Variants in TBC1D22A observed in about 807,000 individuals in gnomAD.
TBC1D22A encodes TBC1 domain family member 22A.
TBC1D22A carries 38 observed loss-of-function variants against 60.2 expected under a neutral mutation model. The ratio of observed to expected loss-of-function variants is 0.63; its 90% confidence interval spans 0.49 to 0.83. The LOEUF (loss-of-function observed/expected upper bound fraction) is 0.83. TBC1D22A is among the 40% of genes least tolerant of loss of function. TBC1D22A has a pLI of 0.00. For synonymous variants in TBC1D22A, 302 were observed against 281.7 expected (o/e 1.07, Z -0.72); for missense variants, 628 against 701.0 (o/e 0.90, Z 1.18).
At chr22:46,978,792 A>G (rs1224766166) in intron 9 of TBC1D22A, among the ~76,000 whole-genome samples, 3 of 151,876 alleles carry the variant, frequency 2.0e-5, no homozygotes, top group African/African-American at 7.3e-5. Context: ...TATTTTTGTT[A>G]GAGACAGGGT....
In TBC1D22A at chr22:46,899,952, C is replaced by T. The variant is rs577012271; in HGVS notation, c.900+5106C>T. On this transcript the variant is annotated intron_variant, in intron 7 of 12. Coordinates refer to ENST00000337137, the MANE Select transcript of TBC1D22A (RefSeq NM_014346.5). ...AGAAGGATTTCTGCCGTAAGCATCC[C>T]TCCAACCCCCTGCATCTATCGAAAC... Among the ~76,000 whole-genome samples the T allele has an allele frequency of 3.4e-4, 52 of 152,212 alleles. No homozygotes were observed. In the South Asian group the frequency reaches 9.8e-3, roughly 29 times the overall value.
intron 12 of TBC1D22A, among the ~76,000 whole-genome samples, chr22:47,146,445 C>G (rs546453706): frequency 3.9e-5 from 6 of 152,290 alleles, no homozygotes; most frequent in African/African-American, 1.2e-4. Flanking sequence ...GCTTTATTCC[C>G]GAAGAGAGAA....
At chr22:47,031,346 C>T (rs1001404967) in intron 10 of TBC1D22A, among the ~76,000 whole-genome samples, 38 of 152,214 alleles carry the variant, frequency 2.5e-4, no homozygotes, top group African/African-American at 8.9e-4. Flanking sequence ...AGAAACAGGC[C>T]TTGTCTTCCT....
At chr22:47,151,633 T>A (rs1749489623) in intron 12 of TBC1D22A, among the ~76,000 whole-genome samples, 1 of 152,214 alleles carries the variant, frequency 6.6e-6, no homozygotes, top group Non-Finnish European at 1.5e-5. Context: ...TGCTGGCTGC[T>A]GAGCCAGGGC....
chr22:47,035,248 C>T (rs980340261), intron 10 of TBC1D22A, among the ~76,000 whole-genome samples: 3 of 152,212 alleles, frequency 2.0e-5, no homozygotes, highest in Non-Finnish European at 4.4e-5. Context: ...CTGCTTGTAC[C>T]TGCTCTCTCT....
intron 11 of TBC1D22A, among the ~76,000 whole-genome samples, chr22:47,099,297 G>T (rs1194790519): frequency 6.6e-6 from 1 of 152,134 alleles, no homozygotes; most frequent in Admixed American, 6.5e-5. Context: ...GAGCTTGGAG[G>T]GTTTTCAGGA....
At chr22:46,870,257 T>G (rs1033307561) in intron 4 of TBC1D22A, among the ~76,000 whole-genome samples, 2 of 152,248 alleles carry the variant, frequency 1.3e-5, no homozygotes, top group Non-Finnish European at 2.9e-5. Flanking sequence ...AACCAGTGTT[T>G]GTTCCTCTAC....
chr22:46,932,984 A>G (rs573358272), intron 8 of TBC1D22A, among the ~76,000 whole-genome samples: 1 of 152,026 alleles, frequency 6.6e-6, no homozygotes, highest in South Asian at 2.1e-4. Flanking sequence ...TGGCCTCCCA[A>G]AGTGCTGGGA....
intron 12 of TBC1D22A, among the ~76,000 whole-genome samples, chr22:47,119,467 G>A (rs1450601526): frequency 1.3e-5 from 2 of 151,504 alleles, no homozygotes; most frequent in South Asian, 2.1e-4. Flanking sequence ...GTCCATTCCT[G>A]CTGTTATAAC....
chr22:47,076,361 G>GTGTATATATATATATATATATA (rs1392245000), intron 11 of TBC1D22A, among the ~76,000 whole-genome samples: 3 of 101,902 alleles, frequency 2.9e-5, no homozygotes, highest in Non-Finnish European at 5.8e-5. Context: ...ATATGTGTGT[G>GTGTATATATATATATATATATA]TATATATATA....
intron 7 of TBC1D22A, among the ~76,000 whole-genome samples, chr22:46,898,137 C>CTTAT (rs1019695588): frequency 1.3e-5 from 2 of 152,030 alleles, no homozygotes; most frequent in African/African-American, 2.4e-5. Flanking sequence ...TTGGTTTATT[C>CTTAT]TTATTTATTT....
chr22:47,091,981 G>A (rs550007848), intron 11 of TBC1D22A, among the ~76,000 whole-genome samples: 2 of 152,290 alleles, frequency 1.3e-5, no homozygotes, highest in East Asian at 1.9e-4. Context: ...GCGTGTACTC[G>A]TGTACTGGAC....
intron 9 of TBC1D22A, among the ~76,000 whole-genome samples, chr22:46,975,768 A>C (rs1297797101): frequency 6.6e-6 from 1 of 152,200 alleles, no homozygotes; most frequent in Non-Finnish European, 1.5e-5. Context: ...GTTTAATTTG[A>C]ATATATTAGC....
chr22:46,940,915 A>G (rs544899592), intron 8 of TBC1D22A, among the ~76,000 whole-genome samples: 8 of 147,142 alleles, frequency 5.4e-5, no homozygotes, highest in African/African-American at 1.8e-4. Context: ...GCACACATGT[A>G]TATGTATATA....
chr22:46,833,000 G>A (rs2086375388), intron 4 of TBC1D22A, among the ~76,000 whole-genome samples: 1 of 152,200 alleles, frequency 6.6e-6, no homozygotes, highest in Non-Finnish European at 1.5e-5. Flanking sequence ...AGCCTGTAGA[G>A]CACAAAGCAT....
At chr22:46,947,672 G>A (rs1276324386) in intron 8 of TBC1D22A, among the ~76,000 whole-genome samples, 1 of 152,152 alleles carries the variant, frequency 6.6e-6, no homozygotes, top group Non-Finnish European at 1.5e-5. Context: ...GCCCTTGCAA[G>A]TGTGATCTCT....
At chr22:46,793,451 T>C (rs753958138) in intron 2 of TBC1D22A, 50 bp from the exon 3 acceptor site, 33 of 1,588,154 alleles carry the variant, frequency 2.1e-5, no homozygotes, top group Non-Finnish European at 2.2e-5. Flanking sequence ...TGGCTGGTTT[T>C]GGGTGAAGCC....
intron 7 of TBC1D22A, among the ~76,000 whole-genome samples, chr22:46,910,092 T>C (rs2069800569): frequency 6.6e-6 from 1 of 152,248 alleles, no homozygotes; most frequent in Non-Finnish European, 1.5e-5. Flanking sequence ...TTCAGTTCTC[T>C]CTAGAAAGTT....
intron 11 of TBC1D22A, among the ~76,000 whole-genome samples, chr22:47,081,402 T>C (rs2064462628): frequency 6.6e-6 from 1 of 152,184 alleles, no homozygotes; most frequent in African/African-American, 2.4e-5. Context: ...GTGGTGAAGT[T>C]ATCAAATGCT....
Sources: allele counts gnomAD v4.1 joint callset (sites outside exome capture counted in the v4.1 genomes callset), GRCh38; gene constraint gnomAD v4.1.1; transcripts MANE v1.5; gene names NCBI Gene and HGNC (gene_info 2026-07-23, HGNC 2026-07-21).